The following XDH variants were observed in gnomAD, a reference collection of about 807,000 sequenced individuals.
XDH encodes xanthine dehydrogenase, also known as xanthine dehydrogenase/oxidase.
Under a neutral mutation model 156.1 loss-of-function variants are expected in XDH, and 138 were observed. That is an observed-to-expected ratio of 0.88 (90% CI 0.77 to 1.02). The LOEUF (loss-of-function observed/expected upper bound fraction) is 1.02. Ranked by LOEUF, XDH falls within the 50% of genes least tolerant of loss-of-function variation. The pLI is 0.00. For synonymous variants in XDH, 669 were observed against 625.7 expected (o/e 1.07, Z -1.03); for missense variants, 1,849 against 1,684.9 (o/e 1.10, Z -1.71).
chr2:31,398,529 T>C, intron 5 of XDH, 44 bp downstream of exon 5: 1 of 1,612,624 alleles, frequency 6.2e-7, no homozygotes, highest in African/African-American at 1.3e-5. Context: ...CTGCAGGGCC[T>C]CGTTTGCCAT....
At chr2:31,376,378 A>ATT (rs1370402097) in intron 14 of XDH, among the ~76,000 whole-genome samples, 1 of 149,718 alleles carries the variant, frequency 6.7e-6, no homozygotes, top group African/African-American at 2.4e-5. Context: ...CAATAACAGC[A>ATT]GTAATACTAC....
intron 31 of XDH, among the ~76,000 whole-genome samples, chr2:31,343,310 A>ATATATATATATATATATATATGTT (rs1553411675): frequency 3.9e-5 from 4 of 102,218 alleles, no homozygotes; most frequent in African/African-American, 9.2e-5. Flanking sequence ...ATATATATAT[A>ATATATATATATATATATATATGTT]TATATATATA....
intron 27 of XDH, 55 bp from the exon 28 acceptor site, chr2:31,348,418 G>A (rs1385048907): frequency 6.4e-7 from 1 of 1,555,290 alleles, no homozygotes; most frequent in East Asian, 2.3e-5. Flanking sequence ...AACTCATTAA[G>A]GTTTGGGACC....
At chr2:31,369,233 T>C (rs1686004900) in intron 18 of XDH, among the ~76,000 whole-genome samples, 1 of 152,192 alleles carries the variant, frequency 6.6e-6, no homozygotes, top group Non-Finnish European at 1.5e-5. Flanking sequence ...GACATGATAC[T>C]TTAAGTATCA....
intron 24 of XDH, 119 bp downstream of exon 24, chr2:31,364,039 C>T (rs1685844281): frequency 3.5e-6 from 3 of 853,580 alleles, no homozygotes; most frequent in Non-Finnish European, 3.9e-6. Context: ...AAGGTGGGGA[C>T]CCATTAGGAG....
chr2:31,396,401 G>A (rs206858), intron 6 of XDH, among the ~76,000 whole-genome samples: 3 of 151,932 alleles, frequency 2.0e-5, no homozygotes, highest in Non-Finnish European at 4.4e-5. Context: ...TCAGGAAACA[G>A]TGAGTAACTT....
intron 16 of XDH, among the ~76,000 whole-genome samples, chr2:31,373,432 T>C (rs1686132602): frequency 1.3e-5 from 2 of 152,316 alleles, no homozygotes; most frequent in East Asian, 1.9e-4. Context: ...AGTTGAGAAG[T>C]TGCAATAGAA....
At chr2:31,375,811 G>A (rs1271169582) in intron 14 of XDH, among the ~76,000 whole-genome samples, 1 of 152,162 alleles carries the variant, frequency 6.6e-6, no homozygotes, top group African/African-American at 2.4e-5. Flanking sequence ...AATGTGCCAG[G>A]CAACATCTTA....
rs572697147 is a variant in XDH at position 31,343,756 on chromosome 2, T to C, written c.3404+928A>G. ...CATATATATGTTCATATATAGGGCATATAAATGTTTTTTGTGTGTATATAT... is the reference window on the plus strand; with the variant it reads ...CATATATATGTTCATATATAGGGCACATAAATGTTTTTTGTGTGTATATAT... On this transcript the variant is annotated intron_variant, in intron 31 of 35. Transcript: ENST00000379416. 8.2e-4 allele frequency among the ~76,000 whole-genome samples: 123 copies of C among 149,938 alleles called. 1 individual carries two copies. Among genetic ancestry groups the C allele is most frequent in the African/African-American group, 2.8e-3 (117 of 41,150 alleles).
chr2:31,404,231 C>T (rs1687137101), intron 2 of XDH, among the ~76,000 whole-genome samples: 1 of 152,050 alleles, frequency 6.6e-6, no homozygotes, highest in Non-Finnish European at 1.5e-5. Flanking sequence ...CCCCAGCACA[C>T]CTGGGAAGGT....
rs768745333 is a variant in XDH, at chr2:31,372,213, G to A, written c.1856+15C>T. 4 of 1,614,042 alleles carry A rather than the reference G, an allele frequency of 2.5e-6. No individual in the cohort carries two copies. In the African/African-American group the frequency reaches 4.0e-5, roughly 16 times the overall value. On this transcript the variant is annotated intron_variant, in intron 17 of 35. Coordinates refer to ENST00000379416, the MANE Select transcript of XDH (RefSeq NM_000379.4). ...TCACAGCATTCCACCAGCTCCTCCTGGCGGTGTCACTCACTTGATCTTGGC... is the reference window on the plus strand; with the variant it reads ...TCACAGCATTCCACCAGCTCCTCCTAGCGGTGTCACTCACTTGATCTTGGC...
chr2:31,394,608 G>A (rs1475226488), intron 6 of XDH, among the ~76,000 whole-genome samples: 2 of 152,020 alleles, frequency 1.3e-5, no homozygotes, highest in South Asian at 2.1e-4. Context: ...AGTCATTTTT[G>A]TTTCAAATAT....
At chr2:31,342,523 G>A (rs1005927052) in intron 31 of XDH, among the ~76,000 whole-genome samples, 62 of 152,292 alleles carry the variant, frequency 4.1e-4, no homozygotes, top group Middle Eastern at 3.4e-3. Context: ...TAGCCCTTCT[G>A]TACTCATTCT....
intron 9 of XDH, among the ~76,000 whole-genome samples, chr2:31,385,697 C>A (rs950082932): frequency 1.3e-5 from 2 of 152,224 alleles, no homozygotes; most frequent in Non-Finnish European, 2.9e-5. Context: ...AGCACTGGGG[C>A]TGAGAGGTGC....
At chr2:31,387,711 C>A (rs1225144850) in intron 8 of XDH, 100 bp downstream of exon 8, 2 of 1,161,718 alleles carry the variant, frequency 1.7e-6, no homozygotes, top group African/African-American at 3.1e-5. Flanking sequence ...ACATAAAGGA[C>A]AAGAAAGACA....
rs1282703869 is a variant in XDH, at chr2:31,401,241, C to A, written c.285G>T (p.Lys95Asn). ...TTACCTGCACAGGATGCAGCCTCGT[C>A]TTGGTGCTTCCTATTCCTTCCACAG... ...VTTVEGIGST[K>N]TRLHPVQERI... Residue 95 changes from lysine (K) to asparagine (N), a missense_variant, in exon 4 of 36, where the codon AAG becomes AAT. By Grantham distance (94) the Lys-to-Asn change is moderately conservative. Coordinates refer to ENST00000379416, the MANE Select transcript of XDH (RefSeq NM_000379.4). 6.2e-7 allele frequency: 1 copy of A among 1,614,190 alleles called. No individual in the cohort carries two copies. The highest frequency in any genetic ancestry group is 1.7e-5 in the Admixed American group (1 of 60,032).
At chr2:31,387,976 T>G in intron 7 of XDH, 79 bp from the exon 8 acceptor site, 4 of 1,462,052 alleles carry the variant, frequency 2.7e-6, no homozygotes, top group Non-Finnish European at 3.7e-6. Context: ...AGCCTTTCCT[T>G]CCAGCAAGCT....
intron 6 of XDH, among the ~76,000 whole-genome samples, chr2:31,397,347 G>A (rs1436487499): frequency 6.6e-6 from 1 of 152,224 alleles, no homozygotes; most frequent in East Asian, 1.9e-4. Flanking sequence ...GGCTGAGCCT[G>A]CCAGTCTCCA....
chr2:31,385,362 T>C (rs986524190), intron 9 of XDH, among the ~76,000 whole-genome samples: 5 of 152,190 alleles, frequency 3.3e-5, no homozygotes, highest in South Asian at 2.1e-4. Flanking sequence ...AAAACCACAG[T>C]TGGGGACTCT....
Sources: allele counts gnomAD v4.1 joint callset (sites outside exome capture counted in the v4.1 genomes callset), GRCh38; gene constraint gnomAD v4.1.1; transcripts MANE v1.5; gene names NCBI Gene and HGNC (gene_info 2026-07-23, HGNC 2026-07-21).